Variants in BICD2 observed in about 807,000 individuals in gnomAD.
The protein encoded by BICD2 is protein bicaudal D homolog 2.
BICD2 carries 25 observed loss-of-function variants against 72.9 expected under a neutral mutation model. The observed-to-expected ratio is 0.34, with a 90% CI of 0.25 to 0.48. BICD2 has a LOEUF of 0.48. Among genes scored for constraint, BICD2 ranks in the 20% least tolerant of loss-of-function variants. The pLI is 0.99. For missense variants in BICD2, 894 were observed against 1,175.2 expected, an observed-to-expected ratio of 0.76 and a Z score of 3.50; for synonymous variants, 501 against 516.1, an observed-to-expected ratio of 0.97 and a Z score of 0.40.
At chr9:92,718,462 G>C (rs1853370726) in intron 5 of BICD2, 77 bp downstream of exon 5, 1 of 1,517,518 alleles carries the variant, frequency 6.6e-7, no homozygotes, top group Non-Finnish European at 8.8e-7. Flanking sequence ...CCGTGGCAGG[G>C]GGAGGAAGGA....
In BICD2 at chr9:92,719,362, T is replaced by C; in HGVS notation, c.1283A>G (p.Asp428Gly). 1 of 1,614,196 alleles carries C rather than the reference T, an allele frequency of 6.2e-7. No homozygotes were observed. The highest frequency in any genetic ancestry group is 8.5e-7 in the Non-Finnish European group (1 of 1,180,028). The change falls in exon 5 of 7, where the codon GAC (aspartate) becomes GGC (glycine). Residue 428 changes from aspartate to glycine, a missense_variant. Asp to Gly is a moderately conservative substitution (Grantham distance 94). Transcript: ENST00000356884. ...GGCCAAGATCTCAGGCCCGTTGATGTCCACCTCGTAGTAGTCCCCATCCTC... is the reference window on the plus strand; with the variant it reads ...GGCCAAGATCTCAGGCCCGTTGATGCCCACCTCGTAGTAGTCCCCATCCTC... ...SHEDGDYYEVDINGPEILACK... is the reference protein window; with the variant it reads ...SHEDGDYYEVGINGPEILACK...
At position 92,764,822 on chromosome 9, in the gene BICD2, C is replaced by CGCA; in HGVS notation, c.-79_-78insTGC. 1 of 1,128,932 alleles carries CGCA rather than the reference C, an allele frequency of 8.9e-7. No individual in the cohort carries two copies. 69.9% of individuals were successfully genotyped at this position (1,128,932 alleles called of 1,614,324 possible). ...CCTCAGCCGCCGCCGCTGCCGCCGCCGCCGCCGCCCTGCCCCGACGGCCGC... is the reference window on the plus strand; with the variant it reads ...CCTCAGCCGCCGCCGCTGCCGCCGCCGCAGCCGCCGCCCTGCCCCGACGGCCGC... On this transcript the variant is annotated 5_prime_UTR_variant, in exon 1 of 7. Coordinates refer to ENST00000356884, the MANE Select transcript of BICD2 (RefSeq NM_001003800.2). The surrounding 1 kb of genome is among the most constrained non-coding windows in gnomAD (Gnocchi z 5.5).
At chr9:92,734,693 C>G (rs998489246) in intron 1 of BICD2, among the ~76,000 whole-genome samples, 1 of 152,090 alleles carries the variant, frequency 6.6e-6, no homozygotes, top group African/African-American at 2.4e-5. Context: ...AGTTCACCAT[C>G]TGATTAAGGG....
At position 92,720,916 on chromosome 9, in the gene BICD2, A is replaced by G. The variant is rs12236118; in HGVS notation, c.607-161T>C. ...TCCTGGGAAGGGTGGCAGCCCGTCC[A>G]GGCCAAGACTGCTTCCTCTGCTCAG... is the stretch of plus-strand genomic sequence containing the variant. On this transcript the variant is annotated intron_variant, in intron 3 of 6. Coordinates refer to ENST00000356884, the MANE Select transcript of BICD2 (RefSeq NM_001003800.2). This position sits in a 1 kb window ranked among gnomAD's most constrained non-coding sequence, Gnocchi z 5.4. 0.047 allele frequency among the ~76,000 whole-genome samples: 7,208 copies of G among 152,306 alleles called. 811 individuals are homozygous for G. Among genetic ancestry groups the G allele is most frequent in the East Asian group, 0.42 (2,149 of 5,158 alleles).
Position 92,734,138 on chromosome 9 carries a change from CAA to C in BICD2, c.241-4904_241-4903del, listed in dbSNP as rs964654908. ...AATGTTGAGTGAAAAAAGCCACACA[CAA>C]AAGAGTATATGTTGTGCGATTCTGT... On this transcript the variant is annotated intron_variant, in intron 1 of 6. Transcript: ENST00000356884. Among the ~76,000 whole-genome samples, 14 of 152,282 alleles carry C rather than the reference CAA, an allele frequency of 9.2e-5. No homozygotes were observed. In the East Asian group the frequency reaches 1.4e-3, roughly 15 times the overall value.
intron 1 of BICD2, among the ~76,000 whole-genome samples, chr9:92,763,832 C>T (rs146044596): frequency 1.3e-5 from 2 of 152,310 alleles, no homozygotes; most frequent in Admixed American, 1.3e-4. Flanking sequence ...GTCATGCTAG[C>T]TGGTGGGAGC....
chr9:92,711,888 T>C lies in BICD2; in HGVS notation c.*3266A>G, dbSNP rs1372677049. 6.6e-6 allele frequency: 1 copy of C among 152,562 alleles called. No individual in the cohort carries two copies. The highest frequency in any genetic ancestry group is 1.5e-5 in the Non-Finnish European group (1 of 68,022). 9.5% of individuals were successfully genotyped at this position (152,562 alleles called of 1,614,324 possible). A position where few individuals can be genotyped will look rare whatever the true frequency, so the allele number is the denominator to read the frequency against. On this transcript the variant is annotated 3_prime_UTR_variant, in exon 7 of 7. Coordinates refer to ENST00000356884, the MANE Select transcript of BICD2 (RefSeq NM_001003800.2). ...GAGAAGGAAGGACAGTTTTTCTTCC[T>C]CCAAGAGTACCAATTTGACCACTCC...
chr9:92,751,864 A>T (rs1854157462), intron 1 of BICD2, among the ~76,000 whole-genome samples: 1 of 148,044 alleles, frequency 6.8e-6, no homozygotes, highest in African/African-American at 2.5e-5. Context: ...GAGTGTAATG[A>T]TGCGATCTTG....
intron 4 of BICD2, among the ~76,000 whole-genome samples, chr9:92,719,899 A>T (rs1482489678): frequency 1.3e-5 from 2 of 152,070 alleles, no homozygotes; most frequent in Non-Finnish European, 2.9e-5. Flanking sequence ...TGTAGTCGGG[A>T]ATATTAGCAC....
intron 1 of BICD2, among the ~76,000 whole-genome samples, chr9:92,735,535 GGTCAGTGGGGAGTTTGAA>G (rs1853766435): frequency 1.3e-5 from 2 of 151,792 alleles, no homozygotes; most frequent in South Asian, 4.2e-4. Flanking sequence ...GCCACCCTGA[GGTCAGTGGGGAGTTTGAA>G]GACAATGGAG....
chr9:92,729,304 C>T, intron 1 of BICD2, 68 bp from the exon 2 acceptor site: 1 of 1,509,546 alleles, frequency 6.6e-7, no homozygotes, highest in Admixed American at 1.8e-5. Flanking sequence ...AGACCCAGCT[C>T]ACAGGCGACA....
rs1272758333 is a variant in BICD2, at chr9:92,718,657, G to A, written c.1988C>T (p.Pro663Leu). 3 of 1,614,056 alleles carry A rather than the reference G, an allele frequency of 1.9e-6. No individual in the cohort carries two copies. The Admixed American group carries it at 5.0e-5, about 27-fold the overall frequency. ...RQRIASQELG[P>L]AVDKDKEALM... ...CGCTTCCTTGTCCTTGTCCACGGCG[G>A]GGCCCAGCTCCTGAGAGGCAATGCG... is the stretch of plus-strand genomic sequence containing the variant. Residue 663 changes from proline to leucine, a missense_variant, in exon 5 of 7, where the codon CCC becomes CTC. Around this residue, in one of 5 missense-constraint regions of BICD2, gnomAD observed 321 missense variants for 443.9 expected, o/e 0.72. Coordinates refer to ENST00000356884, the MANE Select transcript of BICD2 (RefSeq NM_001003800.2).
At chr9:92,715,516 G>A in intron 6 of BICD2, 53 bp from the exon 7 acceptor site, 1 of 1,504,424 alleles carries the variant, frequency 6.6e-7, no homozygotes, top group Non-Finnish European at 9.0e-7. Context: ...GCAGAGGAGG[G>A]CAGGGCAGGG....
In BICD2 at chr9:92,713,738, G is replaced by A. The variant is rs1853240765; in HGVS notation, c.*1416C>T. ...CCCACTGCGAGTCTTGCTGGGGCAG[G>A]GGGATCTGGGCCCAGGATGAACACG... On this transcript the variant is annotated 3_prime_UTR_variant, in exon 7 of 7. Coordinates refer to ENST00000356884, the MANE Select transcript of BICD2 (RefSeq NM_001003800.2). The A allele has an allele frequency of 7.4e-7, 1 of 1,351,432 alleles. No individual in the cohort carries two copies. The highest frequency in any genetic ancestry group is 1.5e-5 in the African/African-American group (1 of 67,962). 83.7% of individuals were successfully genotyped at this position (1,351,432 alleles called of 1,614,324 possible).
At chr9:92,728,282 A>T (rs920308857) in intron 2 of BICD2, among the ~76,000 whole-genome samples, 1 of 152,188 alleles carries the variant, frequency 6.6e-6, no homozygotes, top group Non-Finnish European at 1.5e-5. Flanking sequence ...CTTTGCCCCT[A>T]TCAGGGCCCA....
intron 1 of BICD2, among the ~76,000 whole-genome samples, chr9:92,738,334 T>G (rs553103689): frequency 1.3e-5 from 2 of 152,304 alleles, no homozygotes; most frequent in Admixed American, 6.5e-5. Flanking sequence ...CCCTCCCACC[T>G]GCTGCCACAA....
rs565781672 is a variant in BICD2, at chr9:92,729,344, C to T, written c.241-108G>A. ...TGCTGCAGAACAACAGCAACAACAA[C>T]GGGGACTGTGGGCCTGAAGGGAGGC... On this transcript the variant is annotated intron_variant, in intron 1 of 6. Coordinates refer to ENST00000356884, the MANE Select transcript of BICD2 (RefSeq NM_001003800.2). 1.6e-5 allele frequency: 19 copies of T among 1,219,638 alleles called. No individual in the cohort carries two copies. In the African/African-American group the frequency reaches 1.6e-4, roughly 11 times the overall value. 75.6% of individuals were successfully genotyped at this position (1,219,638 alleles called of 1,614,324 possible). A position where few individuals can be genotyped will look rare whatever the true frequency, so the allele number is the denominator to read the frequency against.
rs914746342 is a variant in BICD2, at chr9:92,752,080, C to T, written c.240+12425G>A. Reference sequence around the variant, plus strand: ...TCGGCCTCCCAAAGTGCTGGGATTACAGGCATGAGCCACTGCGCCCAGCCA... The same window carrying T: ...TCGGCCTCCCAAAGTGCTGGGATTATAGGCATGAGCCACTGCGCCCAGCCA... On this transcript the variant is annotated intron_variant, in intron 1 of 6. Coordinates refer to ENST00000356884, the MANE Select transcript of BICD2 (RefSeq NM_001003800.2). Among the ~76,000 whole-genome samples, 12 of 152,288 alleles carry T rather than the reference C, an allele frequency of 7.9e-5. No individual in the cohort carries two copies. In the East Asian group the frequency reaches 1.9e-3, roughly 25 times the overall value.
chr9:92,741,456 A>G (rs1371159345), intron 1 of BICD2, among the ~76,000 whole-genome samples: 2 of 152,256 alleles, frequency 1.3e-5, no homozygotes, highest in Admixed American at 1.3e-4. Context: ...CAAACTACCA[A>G]TATTTCTGCC....
Sources: gnomAD v4.1 joint callset for allele counts (sites outside exome capture counted in the v4.1 genomes callset) on GRCh38, gnomAD v4.1.1 for gene constraint, gnomAD v4.1.1 regional missense constraint, Gnocchi (gnomAD v3.1) non-coding constraint, MANE v1.5 for transcripts, NCBI Gene and HGNC (gene_info 2026-07-23, HGNC 2026-07-21) for gene names.